The following VAV2 variants were observed in gnomAD, a reference collection of about 807,000 sequenced individuals.
The protein encoded by VAV2 is guanine nucleotide exchange factor VAV2.
Under a neutral mutation model 132.5 loss-of-function variants are expected in VAV2, and 67 were observed. The observed-to-expected ratio is 0.51, with a 90% CI of 0.42 to 0.62. The LOEUF is 0.62. VAV2 is among the 20% of genes least tolerant of loss of function. VAV2 has a pLI of 0.00. For missense variants in VAV2, 938 were observed against 1,153.6 expected (o/e 0.81, Z 2.71); for synonymous variants, 492 against 443.5 (o/e 1.11, Z -1.37).
chr9:133,875,474 C>G (rs1564426741), intron 2 of VAV2, among the ~76,000 whole-genome samples: 1 of 152,152 alleles, frequency 6.6e-6, no homozygotes, highest in African/African-American at 2.4e-5. Context: ...TCTGGGCAAC[C>G]CAGAATTGTA....
At chr9:133,880,969 CAG>C (rs1838468645) in intron 2 of VAV2, among the ~76,000 whole-genome samples, 1 of 152,214 alleles carries the variant, frequency 6.6e-6, no homozygotes, top group Admixed American at 6.5e-5. Flanking sequence ...TCGGTGGCTA[CAG>C]CACAGTCCCC....
chr9:133,768,185 AG>A lies in VAV2; in HGVS notation c.2589+256del, dbSNP rs1174198327. ...AATGGAACAGGGTCGGGGGGTTCCT[AG>A]GAGCCTGGATCCGCATCAGACCTCT... is the stretch of plus-strand genomic sequence containing the variant. On this transcript the variant is annotated intron_variant, in intron 29 of 29. Coordinates refer to ENST00000371850, the MANE Select transcript of VAV2 (RefSeq NM_001134398.2). This position sits in a 1 kb window ranked among gnomAD's most constrained non-coding sequence, Gnocchi z 5.3. Among the ~76,000 whole-genome samples the A allele has an allele frequency of 6.6e-6, 1 of 152,122 alleles. No individual in the cohort carries two copies. The highest frequency in any genetic ancestry group is 1.9e-4 in the East Asian group (1 of 5,196).
At position 133,945,777 on chromosome 9, in the gene VAV2, T is replaced by C. The variant is rs772104395; in HGVS notation, c.205-6558A>G. Among the ~76,000 whole-genome samples the C allele has an allele frequency of 9.2e-5, 14 of 152,300 alleles. No homozygotes were observed. In the East Asian group the frequency reaches 2.5e-3, roughly 27 times the overall value. ...GCTCCTCCCAGGTCTCTGGCTGGCA[T>C]CCCTGAACCACCGACTCCTGTCCTG... On this transcript the variant is annotated intron_variant, in intron 1 of 29. Coordinates refer to ENST00000371850, the MANE Select transcript of VAV2 (RefSeq NM_001134398.2).
intron 2 of VAV2, among the ~76,000 whole-genome samples, chr9:133,881,914 G>A (rs1397030303): frequency 6.6e-6 from 1 of 152,158 alleles, no homozygotes; most frequent in East Asian, 1.9e-4. Context: ...AACCTGCCAG[G>A]GCGCCTGGCA....
intron 2 of VAV2, among the ~76,000 whole-genome samples, chr9:133,878,907 G>T (rs183828636): frequency 6.6e-6 from 1 of 152,218 alleles, no homozygotes; most frequent in Non-Finnish European, 1.5e-5. Flanking sequence ...AGGCTCCTCC[G>T]CAGGGGCAGA....
chr9:133,991,322 G>A lies in VAV2; in HGVS notation c.204+753C>T, dbSNP rs1226479438. Among the ~76,000 whole-genome samples the A allele has an allele frequency of 6.6e-6, 1 of 152,216 alleles. No individual in the cohort carries two copies. Among genetic ancestry groups the A allele is most frequent in the African/African-American group, 2.4e-5 (1 of 41,456 alleles). On this transcript the variant is annotated intron_variant, in intron 1 of 29. Coordinates refer to ENST00000371850, the MANE Select transcript of VAV2 (RefSeq NM_001134398.2). The surrounding 1 kb of genome is among the most constrained non-coding windows in gnomAD (Gnocchi z 4.8). Reference sequence around the variant, plus strand: ...CCAAGAAAAGCAGCTTCGTTCGGCTGGGCAGGCATTTTCCTGCCTGGCCCT... The same window carrying A: ...CCAAGAAAAGCAGCTTCGTTCGGCTAGGCAGGCATTTTCCTGCCTGGCCCT...
chr9:133,836,712 G>A (rs767327596), intron 3 of VAV2, among the ~76,000 whole-genome samples: 16 of 152,136 alleles, frequency 1.1e-4, no homozygotes, highest in Admixed American at 3.9e-4. Flanking sequence ...GCATCCCATC[G>A]AACCCTGGAT....
At position 133,825,682 on chromosome 9, in the gene VAV2, G is replaced by A. The variant is rs113800727; in HGVS notation, c.449+8590C>T. ...GAGAGGTGGGCAGGGTGAGGACAAC[G>A]GCGGGGAGGGTGGGCCATAGAGGAC... On this transcript the variant is annotated intron_variant, in intron 4 of 29. Transcript: ENST00000371850. 3.3e-3 allele frequency among the ~76,000 whole-genome samples: 497 copies of A among 152,266 alleles called. 3 individuals are homozygous for A. Among genetic ancestry groups the A allele is most frequent in the African/African-American group, 0.011 (473 of 41,558 alleles).
At chr9:133,787,942 G>A (rs1213923647) in intron 15 of VAV2, among the ~76,000 whole-genome samples, 3 of 152,080 alleles carry the variant, frequency 2.0e-5, no homozygotes, top group South Asian at 2.1e-4. Context: ...TCCAAGCACC[G>A]CAGGGTGGGA....
chr9:133,964,383 C>T (rs527533096), intron 1 of VAV2, among the ~76,000 whole-genome samples: 1 of 151,802 alleles, frequency 6.6e-6, no homozygotes, highest in South Asian at 2.1e-4. Context: ...CAAATATATA[C>T]ACACAAATAT....
chr9:133,921,391 A>G (rs748845228), intron 2 of VAV2, among the ~76,000 whole-genome samples: 2 of 152,174 alleles, frequency 1.3e-5, no homozygotes, highest in Non-Finnish European at 2.9e-5. Flanking sequence ...TCATCTCAGC[A>G]CTTCAGGAGG....
At position 133,825,894 on chromosome 9, in the gene VAV2, CCTT is replaced by C. The variant is rs1474001709; in HGVS notation, c.449+8375_449+8377del. ...CCAAACCTCCTCGACACCAGAAACTCCTTCTACATTTTATGCACCCTAAAAAAT... is the reference window on the plus strand; with the variant it reads ...CCAAACCTCCTCGACACCAGAAACTCCTACATTTTATGCACCCTAAAAAAT... On this transcript the variant is annotated intron_variant, in intron 4 of 29. Coordinates refer to ENST00000371850, the MANE Select transcript of VAV2 (RefSeq NM_001134398.2). Among the ~76,000 whole-genome samples, 9 of 152,342 alleles carry C rather than the reference CCTT, an allele frequency of 5.9e-5. No individual in the cohort carries two copies. The East Asian group carries it at 1.4e-3, about 23-fold the overall frequency.
Position 133,763,856 on chromosome 9 carries a change from A to C in VAV2, c.*206T>G. On this transcript the variant is annotated 3_prime_UTR_variant, in exon 30 of 30. Transcript: ENST00000371850. This position sits in a 1 kb window ranked among gnomAD's most constrained non-coding sequence, Gnocchi z 6.8. Reference sequence around the variant, plus strand: ...AGCCCAGGTTTCCTCTATGTACAATAGCATACCCAGTGATGGGTCGCCGAG... The same window carrying C: ...AGCCCAGGTTTCCTCTATGTACAATCGCATACCCAGTGATGGGTCGCCGAG... The C allele has an allele frequency of 3.2e-6, 2 of 621,942 alleles. No homozygotes were observed. Among genetic ancestry groups the C allele is most frequent in the Non-Finnish European group, 5.6e-6 (2 of 354,120 alleles). The allele number at this position is 621,942 out of a possible 1,614,324, so 38.5% of individuals were successfully genotyped here.
chr9:133,864,563 G>A (rs1837725931), intron 2 of VAV2, among the ~76,000 whole-genome samples: 1 of 151,288 alleles, frequency 6.6e-6, no homozygotes, highest in African/African-American at 2.5e-5. Flanking sequence ...CCTCCACACA[G>A]CCACAGCACA....
At chr9:133,873,362 G>A (rs1448431894) in intron 2 of VAV2, among the ~76,000 whole-genome samples, 4 of 152,102 alleles carry the variant, frequency 2.6e-5, no homozygotes, top group Admixed American at 2.0e-4. Context: ...TAAGGAAACC[G>A]CAAGACATAC....
chr9:133,943,635 CAGG>C (rs1306867851), intron 1 of VAV2, among the ~76,000 whole-genome samples: 2 of 152,210 alleles, frequency 1.3e-5, no homozygotes, highest in South Asian at 2.1e-4. Flanking sequence ...CCCTCTCCCC[CAGG>C]CTGGCGGCTA....
chr9:133,841,144 A>G (rs1053802325), intron 3 of VAV2, among the ~76,000 whole-genome samples: 2 of 152,124 alleles, frequency 1.3e-5, no homozygotes, highest in African/African-American at 2.4e-5. Flanking sequence ...GAGCCCGGAC[A>G]GCTCACGCCT....
At chr9:133,784,737 T>C (rs909103854) in intron 17 of VAV2, among the ~76,000 whole-genome samples, 1 of 151,974 alleles carries the variant, frequency 6.6e-6, no homozygotes, top group East Asian at 1.9e-4. Context: ...TCAGAAAACA[T>C]ATACTTAAGA....
Position 133,885,609 on chromosome 9 carries a change from A to G in VAV2, c.322-24177T>C, listed in dbSNP as rs1390596147. On this transcript the variant is annotated intron_variant, in intron 2 of 29. Transcript: ENST00000371850. This position sits in a 1 kb window ranked among gnomAD's most constrained non-coding sequence, Gnocchi z 5.0. ...CAGGGGAGACGTGACCCCAGGGCGG[A>G]CCCCTCCCAAGCTTGGTGTGGTGTT... Among the ~76,000 whole-genome samples the G allele has an allele frequency of 6.6e-6, 1 of 151,988 alleles. No individual in the cohort carries two copies. Among genetic ancestry groups the G allele is most frequent in the Non-Finnish European group, 1.5e-5 (1 of 67,982 alleles).
Sources: gnomAD v4.1 joint callset for allele counts (sites outside exome capture counted in the v4.1 genomes callset) on GRCh38, gnomAD v4.1.1 for gene constraint, Gnocchi (gnomAD v3.1) non-coding constraint, MANE v1.5 for transcripts, NCBI Gene and HGNC (gene_info 2026-07-23, HGNC 2026-07-21) for gene names.